The following ROBO2 variants were observed in gnomAD, a reference collection of about 807,000 sequenced individuals.
ROBO2 encodes the protein roundabout guidance receptor 2.
ROBO2 carries 53 observed loss-of-function variants against 160.8 expected under a neutral mutation model. The ratio of observed to expected loss-of-function variants is 0.33; its 90% CI spans 0.26 to 0.41. The LOEUF is 0.41. Ranked by LOEUF, ROBO2 falls within the 10% of genes least tolerant of loss-of-function variation. The pLI, the probability that ROBO2 is intolerant of heterozygous loss-of-function variation, is 1.00. For missense variants in ROBO2, 1,577 were observed against 1,722.4 expected, an observed-to-expected ratio of 0.92 and a Z score of 1.49; for synonymous variants, 664 against 611.7, an observed-to-expected ratio of 1.09 and a Z score of -1.26.
intron 2 of ROBO2, among the ~76,000 whole-genome samples, chr3:77,464,892 A>T (rs2082613401): frequency 6.6e-6 from 1 of 152,190 alleles, no homozygotes; most frequent in African/African-American, 2.4e-5. Flanking sequence ...TCCTTTAACT[A>T]AATATGGGGA....
At chr3:77,433,486 G>GTACATATATATATATATA (rs1325507347) in intron 2 of ROBO2, among the ~76,000 whole-genome samples, 1,416 of 99,342 alleles carry the variant, frequency 0.014, 117 homozygotes, top group Middle Eastern at 0.024. Context: ...CTGGCAACTT[G>GTACATATATATATATATA]TATATATATA....
chr3:76,767,317 TAA>T (rs1345062503), intron 2 of ROBO2, among the ~76,000 whole-genome samples: 1 of 151,658 alleles, frequency 6.6e-6, no homozygotes, highest in Non-Finnish European at 1.5e-5. Flanking sequence ...CACTTTTAGA[TAA>T]ATACTTATAA....
chr3:77,154,009 A>G (rs2077756582), intron 2 of ROBO2, among the ~76,000 whole-genome samples: 2 of 152,114 alleles, frequency 1.3e-5, no homozygotes, highest in Admixed American at 1.3e-4. Flanking sequence ...GGCTCTGCCA[A>G]TATGAGCAGG....
intron 2 of ROBO2, among the ~76,000 whole-genome samples, chr3:76,103,766 G>A (rs1012512415): frequency 1.3e-5 from 2 of 152,188 alleles, no homozygotes; most frequent in Non-Finnish European, 2.9e-5. Context: ...GTTGTACTGC[G>A]TTTCTTGATG....
At chr3:77,108,775 C>T (rs933221819) in intron 2 of ROBO2, among the ~76,000 whole-genome samples, 12 of 152,122 alleles carry the variant, frequency 7.9e-5, no homozygotes, top group Admixed American at 4.6e-4. Flanking sequence ...GGCCAGATTT[C>T]GAGCACAAAT....
intron 2 of ROBO2, among the ~76,000 whole-genome samples, chr3:76,470,170 G>A (rs189621080): frequency 6.6e-6 from 1 of 152,194 alleles, no homozygotes; most frequent in Admixed American, 6.6e-5. Flanking sequence ...CTGCCTTGGA[G>A]GTCTTTCTTT....
chr3:77,078,697 G>A (rs773867929), intron 1 of ROBO2, among the ~76,000 whole-genome samples: 1 of 152,140 alleles, frequency 6.6e-6, no homozygotes, highest in Non-Finnish European at 1.5e-5. Context: ...ACAGAGTTGG[G>A]CCCAAAGGTA....
chr3:76,129,886 C>G (rs540540916), intron 2 of ROBO2, among the ~76,000 whole-genome samples: 1 of 151,942 alleles, frequency 6.6e-6, no homozygotes, highest in African/African-American at 2.4e-5. Flanking sequence ...AACTCTAGAT[C>G]ATTTTGATAT....
intron 2 of ROBO2, among the ~76,000 whole-genome samples, chr3:76,742,107 A>T (rs1047183009): frequency 6.6e-6 from 1 of 152,120 alleles, no homozygotes; most frequent in Non-Finnish European, 1.5e-5. Flanking sequence ...TCATGAGAGT[A>T]GAAACAGGCT....
chr3:77,448,335 C>T (rs568106293), intron 2 of ROBO2, among the ~76,000 whole-genome samples: 1 of 152,248 alleles, frequency 6.6e-6, no homozygotes, highest in East Asian at 1.9e-4. Flanking sequence ...CCACAAACAG[C>T]ACCAACTACC....
intron 21 of ROBO2, 35 bp from the exon 23 acceptor site, chr3:77,617,478 G>T (rs1482147270): frequency 1.9e-6 from 3 of 1,612,856 alleles, no homozygotes; most frequent in Non-Finnish European, 1.7e-6. Context: ...ATATGTATTT[G>T]TGTCAATGTG....
chr3:76,895,165 G>A (rs1287477634), intron 2 of ROBO2, among the ~76,000 whole-genome samples: 1 of 151,694 alleles, frequency 6.6e-6, no homozygotes, highest in Non-Finnish European at 1.5e-5. Context: ...TCTTGTTGAA[G>A]TATCTGGGTG....
intron 2 of ROBO2, among the ~76,000 whole-genome samples, chr3:77,363,356 C>G (rs2070336271): frequency 6.6e-6 from 1 of 151,984 alleles, no homozygotes; most frequent in Non-Finnish European, 1.5e-5. Flanking sequence ...ATTCTTGTAG[C>G]AAAAAGAAAA....
chr3:77,409,103 G>GTATATA (rs57350639), intron 2 of ROBO2, among the ~76,000 whole-genome samples: 2,651 of 129,552 alleles, frequency 0.02, 52 homozygotes, highest in East Asian at 0.091. Flanking sequence ...ATATATATAT[G>GTATATA]TATATATATA....
At chr3:77,176,904 T>G (rs568640132) in intron 2 of ROBO2, among the ~76,000 whole-genome samples, 1 of 152,070 alleles carries the variant, frequency 6.6e-6, no homozygotes, top group South Asian at 2.1e-4. Context: ...AAATTTGATA[T>G]GGTCTGTTTG....
chr3:76,657,074 C>G (rs1483232998), intron 2 of ROBO2, among the ~76,000 whole-genome samples: 1 of 151,456 alleles, frequency 6.6e-6, no homozygotes. Context: ...TTTTTTTTCC[C>G]TATACTTTTC....
intron 2 of ROBO2, among the ~76,000 whole-genome samples, chr3:76,248,926 A>C (rs915658233): frequency 6.6e-6 from 1 of 152,088 alleles, no homozygotes; most frequent in Non-Finnish European, 1.5e-5. Context: ...TGGTACTAGC[A>C]CAGATATGTG....
chr3:76,410,518 G>T (rs765378625), intron 2 of ROBO2, among the ~76,000 whole-genome samples: 3 of 152,092 alleles, frequency 2.0e-5, no homozygotes, highest in African/African-American at 4.8e-5. Flanking sequence ...GATCTAATCT[G>T]CATTTTAAGT....
chr3:76,063,877 T>C (rs2068152137), intron 2 of ROBO2, among the ~76,000 whole-genome samples: 1 of 152,178 alleles, frequency 6.6e-6, no homozygotes, highest in Non-Finnish European at 1.5e-5. Context: ...GATCCTCTTG[T>C]GATTATTTCT....
Sources: gnomAD v4.1 joint callset for allele counts (sites outside exome capture counted in the v4.1 genomes callset) on GRCh38, gnomAD v4.1.1 for gene constraint, MANE v1.5 for transcripts, NCBI Gene and HGNC (gene_info 2026-07-23, HGNC 2026-07-21) for gene names.